SLC30A3: variants seen among roughly 807,000 people sequenced by gnomAD.
SLC30A3 encodes probable proton-coupled zinc antiporter SLC30A3.
Under a neutral mutation model 35.6 loss-of-function variants are expected in SLC30A3, and 20 were observed. That is an observed-to-expected ratio of 0.56 (90% CI 0.39 to 0.82). The LOEUF (loss-of-function observed/expected upper bound fraction) is 0.82. SLC30A3 is among the 40% of genes least tolerant of loss of function. SLC30A3 has a pLI of 0.00. For missense variants in SLC30A3, 401 were observed against 530.6 expected (o/e 0.76, Z 2.40); for synonymous variants, 217 against 224.7 (o/e 0.97, Z 0.31).
chr2:27,272,033 G>C (rs1379138862), intron 1 of SLC30A3, among the ~76,000 whole-genome samples: 5 of 152,182 alleles, frequency 3.3e-5, no homozygotes, highest in Non-Finnish European at 1.5e-5. Flanking sequence ...TCGCCTCTTG[G>C]GTTGTTGTGA....
In SLC30A3 at chr2:27,255,775, T is replaced by C; in HGVS notation, c.1019-315A>G. The stretch of plus-strand genomic sequence containing the variant: ...CAGGACAATCCAGTTGTTAAATATC[T>C]GTCTCATTGTCCCTCTAGAGTTTCC... On this transcript the variant is annotated intron_variant, in intron 7 of 7. Transcript: ENST00000233535. This position sits in a 1 kb window ranked among gnomAD's most constrained non-coding sequence, Gnocchi z 5.2. 3.0e-6 allele frequency: 1 copy of C among 333,230 alleles called. No individual in the cohort carries two copies. The highest frequency in any genetic ancestry group is 5.5e-6 in the Non-Finnish European group (1 of 181,154). 20.6% of individuals were successfully genotyped at this position (333,230 alleles called of 1,614,324 possible). A position where few individuals can be genotyped will look rare whatever the true frequency, so the allele number is the denominator to read the frequency against.
At chr2:27,272,544 A>G (rs1371510203) in intron 1 of SLC30A3, among the ~76,000 whole-genome samples, 1 of 144,114 alleles carries the variant, frequency 6.9e-6, no homozygotes, top group Non-Finnish European at 1.5e-5. Context: ...CCTAGGCTGG[A>G]GTGTAATGGC....
Position 27,255,528 on chromosome 2 carries a change from G to C in SLC30A3, c.1019-68C>G. ...AAGAACAGGCAGGGACTGAGATAAG[G>C]ACAGGGAAAGGGGCTGCACAGCATT... On this transcript the variant is annotated intron_variant, in intron 7 of 7. Transcript: ENST00000233535. This position sits in a 1 kb window ranked among gnomAD's most constrained non-coding sequence, Gnocchi z 5.2. The C allele has an allele frequency of 1.3e-6, 2 of 1,554,546 alleles. No homozygotes were observed. Among genetic ancestry groups the C allele is most frequent in the South Asian group, 1.2e-5 (1 of 85,942 alleles).
intron 1 of SLC30A3, among the ~76,000 whole-genome samples, chr2:27,272,016 G>C (rs539853594): frequency 6.6e-6 from 1 of 152,298 alleles, no homozygotes; most frequent in South Asian, 2.1e-4. Context: ...ATGAAGCAGG[G>C]ATGCAATCGC....
At chr2:27,259,165 A>G (rs1677043360) in intron 1 of SLC30A3, 1 of 447,424 alleles carries the variant, frequency 2.2e-6, no homozygotes, top group Non-Finnish European at 3.9e-6. Context: ...TCACAGCTGG[A>G]AAGCACCTTA....
In SLC30A3 at chr2:27,255,091, C is replaced by A; in HGVS notation, c.*221G>T. 6.6e-7 allele frequency: 1 copy of A among 1,507,582 alleles called. No homozygotes were observed. The highest frequency in any genetic ancestry group is 1.2e-5 in the South Asian group (1 of 80,410). The allele number at this position is 1,507,582 out of a possible 1,614,324, so 93.4% of individuals were successfully genotyped here. ...TGGGAGTCCCCGCCCCTGAACTAGT[C>A]ACATCTATTCCCCTGACTCCCACCC... is the stretch of plus-strand genomic sequence containing the variant. On this transcript the variant is annotated 3_prime_UTR_variant, in exon 8 of 8. Coordinates refer to ENST00000233535, the MANE Select transcript of SLC30A3 (RefSeq NM_003459.5). The surrounding 1 kb of genome is among the most constrained non-coding windows in gnomAD (Gnocchi z 5.2).
chr2:27,256,528 C>A lies in SLC30A3; in HGVS notation c.884-8G>T, dbSNP rs1337615996. ...CCACATTGCGGGGGGTACCTGCAAC[C>A]AGCACCAGTCATGCCTTACTGCTAG... On this transcript the variant is annotated splice_polypyrimidine_tract_variant and splice_region_variant and intron_variant, in intron 6 of 7. Transcript: ENST00000233535. 6.2e-7 allele frequency: 1 copy of A among 1,613,944 alleles called. No individual in the cohort carries two copies. The highest frequency in any genetic ancestry group is 1.7e-5 in the Admixed American group (1 of 60,018).
chr2:27,266,057 GTTCT>G (rs1336662045), upstream of SLC30A3, among the ~76,000 whole-genome samples: 12 of 147,312 alleles, frequency 8.1e-5, no homozygotes, highest in East Asian at 2.4e-3. Context: ...TTTCTGTTTT[GTTCT>G]TTTTTTTTTT....
chr2:27,255,497 G>C lies in SLC30A3; in HGVS notation c.1019-37C>G, dbSNP rs1257963901. The C allele has an allele frequency of 6.2e-7, 1 of 1,604,822 alleles. No homozygotes were observed. The highest frequency in any genetic ancestry group is 8.5e-7 in the Non-Finnish European group (1 of 1,176,512). The stretch of plus-strand genomic sequence containing the variant: ...TGATAAGAGGCGGCATCCATCCCGG[G>C]GGAGAAAGAACAGGCAGGGACTGAG... On this transcript the variant is annotated intron_variant, in intron 7 of 7. Coordinates refer to ENST00000233535, the MANE Select transcript of SLC30A3 (RefSeq NM_003459.5). This position sits in a 1 kb window ranked among gnomAD's most constrained non-coding sequence, Gnocchi z 5.2.
upstream of SLC30A3, chr2:27,275,692 C>T: frequency 6.1e-6 from 1 of 163,032 alleles, no homozygotes; most frequent in Non-Finnish European, 1.4e-5. Flanking sequence ...GGTTCCGCTG[C>T]CTTTTCCTTG....
Position 27,256,811 on chromosome 2 carries a change from T to C in SLC30A3, c.860A>G (p.Asp287Gly). ...ACCTTCCATGAGGATTCGAAGAACG[T>C]CTCGGAGGGTGGGAGCGGTGGATCC... ...ALGSTAPTLR[D>G]VLRILMEGTP... is the part of the protein sequence containing the mutation. Residue 287 changes from aspartate (D) to glycine (G), a missense_variant, in exon 6 of 8, where the codon GAC (aspartate) becomes GGC (glycine). Physicochemically the swap from Asp to Gly is moderately conservative, Grantham distance 94 (BLOSUM62 -1). Transcript: ENST00000233535. 6.2e-7 allele frequency: 1 copy of C among 1,605,168 alleles called. No individual in the cohort carries two copies. The highest frequency in any genetic ancestry group is 8.5e-7 in the Non-Finnish European group (1 of 1,177,602).
chr2:27,268,556 A>G (rs970684797), intron 1 of SLC30A3, among the ~76,000 whole-genome samples: 1 of 152,174 alleles, frequency 6.6e-6, no homozygotes, highest in Non-Finnish European at 1.5e-5. Context: ...GATCGAGACC[A>G]TCCTGGCTAA....
In SLC30A3 at chr2:27,254,580, G is replaced by C. The variant is rs571315053; in HGVS notation, c.*732C>G. 6.4e-6 allele frequency: 1 copy of C among 155,430 alleles called. No individual in the cohort carries two copies. The allele number at this position is 155,430 out of a possible 1,614,324, so 9.6% of individuals were successfully genotyped here. On this transcript the variant is annotated 3_prime_UTR_variant, in exon 8 of 8. Transcript: ENST00000233535. ...GCACACAGGCTGAAAGATGCAGTGA[G>C]ACACAAGTTTATTGGTGGAGCTGCA... is the stretch of plus-strand genomic sequence containing the variant.
Position 27,255,080 on chromosome 2 carries a change from C to G in SLC30A3, c.*232G>C, listed in dbSNP as rs893794154. On this transcript the variant is annotated 3_prime_UTR_variant, in exon 8 of 8. Coordinates refer to ENST00000233535, the MANE Select transcript of SLC30A3 (RefSeq NM_003459.5). This position sits in a 1 kb window ranked among gnomAD's most constrained non-coding sequence, Gnocchi z 5.2. ...ACACTGAGGCCTGGGAGTCCCCGCCCCTGAACTAGTCACATCTATTCCCCT... is the reference window on the plus strand; with the variant it reads ...ACACTGAGGCCTGGGAGTCCCCGCCGCTGAACTAGTCACATCTATTCCCCT... 6.7e-6 allele frequency: 10 copies of G among 1,486,426 alleles called. No homozygotes were observed. In the African/African-American group the frequency reaches 1.4e-4, roughly 21 times the overall value. 92.1% of individuals were successfully genotyped at this position (1,486,426 alleles called of 1,614,324 possible).
Position 27,255,431 on chromosome 2 carries a change from C to T in SLC30A3, c.1048G>A (p.Ala350Thr). ...DSTADPEAVL[A>T]EASSRLYSRF... ...GAGTAGAGCCGGGATGAGGCTTCAGCCAGGACGGCTTCAGGGTCAGCGGTG... is the reference window on the plus strand; with the variant it reads ...GAGTAGAGCCGGGATGAGGCTTCAGTCAGGACGGCTTCAGGGTCAGCGGTG... Residue 350 changes from alanine to threonine, a missense_variant, in exon 8 of 8, where the codon GCT becomes ACT. Ala to Thr is a moderately conservative substitution (Grantham distance 58). Transcript: ENST00000233535. This position sits in a 1 kb window ranked among gnomAD's most constrained non-coding sequence, Gnocchi z 5.2. 1 of 1,613,866 alleles carries T rather than the reference C, an allele frequency of 6.2e-7. No homozygotes were observed. The highest frequency in any genetic ancestry group is 8.5e-7 in the Non-Finnish European group (1 of 1,179,978).
Position 27,257,780 on chromosome 2 carries a change from G to T in SLC30A3, c.578+125C>A. Reference sequence around the variant, plus strand: ...ACCCTTCTCAGGCACACGCAGGGCAGCCCATGGAGAGCTGTGTGTGCGTGT... The same window carrying T: ...ACCCTTCTCAGGCACACGCAGGGCATCCCATGGAGAGCTGTGTGTGCGTGT... On this transcript the variant is annotated intron_variant, in intron 4 of 7. Transcript: ENST00000233535. The surrounding 1 kb of genome is among the most constrained non-coding windows in gnomAD (Gnocchi z 4.7). 1.0e-6 allele frequency: 1 copy of T among 962,274 alleles called. No individual in the cohort carries two copies. Among genetic ancestry groups the T allele is most frequent in the Non-Finnish European group, 1.6e-6 (1 of 638,220 alleles). The allele number at this position is 962,274 out of a possible 1,614,324, so 59.6% of individuals were successfully genotyped here.
chr2:27,269,927 C>T (rs879670340), intron 1 of SLC30A3, among the ~76,000 whole-genome samples: 9 of 151,834 alleles, frequency 5.9e-5, no homozygotes, highest in African/African-American at 2.2e-4. Context: ...AGGAAGAGGA[C>T]CCAGTAAGGG....
Position 27,254,905 on chromosome 2 carries a change from C to A in SLC30A3, c.*407G>T. 2.2e-6 allele frequency: 1 copy of A among 456,170 alleles called. No individual in the cohort carries two copies. The highest frequency in any genetic ancestry group is 3.6e-6 in the Non-Finnish European group (1 of 277,928). 28.3% of individuals were successfully genotyped at this position (456,170 alleles called of 1,614,324 possible). ...GGAGGGGGCCCCTACTGACCTCCCC[C>A]AGGCATAGGCACACCAACAGCACAT... On this transcript the variant is annotated 3_prime_UTR_variant, in exon 8 of 8. Transcript: ENST00000233535.
Position 27,255,004 on chromosome 2 carries a change from T to C in SLC30A3, c.*308A>G. The C allele has an allele frequency of 8.4e-7, 1 of 1,184,970 alleles. No individual in the cohort carries two copies. Among genetic ancestry groups the C allele is most frequent in the Non-Finnish European group, 1.1e-6 (1 of 907,272 alleles). 73.4% of individuals were successfully genotyped at this position (1,184,970 alleles called of 1,614,324 possible). The stretch of plus-strand genomic sequence containing the variant: ...ACTGCAGGGAAAGGATGTTCGTGGC[T>C]CCACATGAACCATGGGGAGATGGCA... On this transcript the variant is annotated 3_prime_UTR_variant, in exon 8 of 8. Transcript: ENST00000233535. The surrounding 1 kb of genome is among the most constrained non-coding windows in gnomAD (Gnocchi z 5.2).
Sources: allele counts gnomAD v4.1 joint callset (sites outside exome capture counted in the v4.1 genomes callset), GRCh38; gene constraint gnomAD v4.1.1; non-coding constraint Gnocchi (gnomAD v3.1); transcripts MANE v1.5; gene names NCBI Gene and HGNC (gene_info 2026-07-23, HGNC 2026-07-21).